Variants in ADCY9 observed in about 807,000 individuals in gnomAD.
ADCY9 encodes adenylate cyclase type 9.
A neutral mutation model predicts 101.5 loss-of-function variants in ADCY9; 50 were observed. The observed-to-expected ratio is 0.49, with a 90% CI of 0.39 to 0.62. ADCY9 has a LOEUF of 0.62. Ranked by LOEUF, ADCY9 falls within the 20% of genes least tolerant of loss-of-function variation. ADCY9 has a pLI of 0.00. For synonymous variants in ADCY9, 905 were observed against 769.3 expected (o/e 1.18, Z -2.92); for missense variants, 1,662 against 1,800.4 (o/e 0.92, Z 1.39).
At chr16:3,984,772 C>G (rs900618660) in intron 6 of ADCY9, among the ~76,000 whole-genome samples, 2 of 152,248 alleles carry the variant, frequency 1.3e-5, no homozygotes, top group African/African-American at 4.8e-5. Flanking sequence ...CATGGGTGTC[C>G]ACTCAGCATC....
intron 3 of ADCY9, among the ~76,000 whole-genome samples, chr16:4,005,382 A>G (rs1336746396): frequency 6.6e-6 from 1 of 152,124 alleles, no homozygotes; most frequent in African/African-American, 2.4e-5. Context: ...ACAGGCCACC[A>G]AGCCCAGTTA....
chr16:3,983,517 G>A (rs550580095), intron 6 of ADCY9, 77 bp from the exon 7 acceptor site: 12 of 1,264,834 alleles, frequency 9.5e-6, no homozygotes, highest in Non-Finnish European at 1.2e-5. Context: ...GGAGAAACAG[G>A]CAACACGTGC....
chr16:4,037,771 C>G (rs751384360), intron 2 of ADCY9, among the ~76,000 whole-genome samples: 16 of 152,196 alleles, frequency 1.1e-4, no homozygotes, highest in Non-Finnish European at 2.1e-4. Flanking sequence ...ACGTTTACAA[C>G]TGTCTTTGAG....
At chr16:3,961,168 CTGGGCGCGG>C (rs1390454250), downstream of ADCY9, among the ~76,000 whole-genome samples, 6 of 152,336 alleles carry the variant, frequency 3.9e-5, no homozygotes, top group East Asian at 7.7e-4. Flanking sequence ...CACGTTCTGG[CTGGGCGCGG>C]TGGCTCATGC....
In ADCY9 at chr16:4,106,736, C is replaced by T. The variant is rs112024734; in HGVS notation, c.1693+7014G>A. ...CGGCCCACGCAGGCTTCTGCACACT[C>T]TGTGCCCAGACATGGACAGATTAAT... On this transcript the variant is annotated intron_variant, in intron 2 of 10. Coordinates refer to ENST00000294016, the MANE Select transcript of ADCY9 (RefSeq NM_001116.4). Among the ~76,000 whole-genome samples, 1,163 of 152,364 alleles carry T rather than the reference C, an allele frequency of 7.6e-3. 15 individuals are homozygous for T. The highest frequency in any genetic ancestry group is 0.027 in the African/African-American group (1,111 of 41,578).
At chr16:4,002,817 G>A (rs1254963498) in intron 3 of ADCY9, among the ~76,000 whole-genome samples, 1 of 152,118 alleles carries the variant, frequency 6.6e-6, no homozygotes, top group Admixed American at 6.5e-5. Context: ...TAGGTTCAAG[G>A]GATCCTCCTG....
chr16:4,027,631 C>A (rs1388504641), intron 2 of ADCY9, among the ~76,000 whole-genome samples: 10 of 152,280 alleles, frequency 6.6e-5, no homozygotes, highest in Non-Finnish European at 1.0e-4. Flanking sequence ...AATCCCAGCA[C>A]TGTGGGAGGC....
intron 2 of ADCY9, among the ~76,000 whole-genome samples, chr16:4,044,759 A>C (rs1170009402): frequency 2.6e-5 from 4 of 152,236 alleles, no homozygotes; most frequent in Non-Finnish European, 5.9e-5. Flanking sequence ...CTCTACATGT[A>C]GAGCCTGCAT....
At chr16:4,090,234 C>T (rs890672909) in intron 2 of ADCY9, among the ~76,000 whole-genome samples, 8 of 152,092 alleles carry the variant, frequency 5.3e-5, no homozygotes, top group South Asian at 2.1e-4. Context: ...CAGCTGGAGG[C>T]GTCCAACCTC....
intron 7 of ADCY9, 90 bp downstream of exon 7, chr16:3,983,142 G>T: frequency 8.0e-7 from 1 of 1,243,112 alleles, no homozygotes; most frequent in Non-Finnish European, 1.1e-6. Flanking sequence ...AGCTGGCTGG[G>T]GACCAGTCCA....
chr16:4,008,036 C>T (rs958064959), intron 2 of ADCY9, among the ~76,000 whole-genome samples: 2 of 151,984 alleles, frequency 1.3e-5, no homozygotes, highest in African/African-American at 4.8e-5. Context: ...AAAACTACCC[C>T]GAAAAACAAG....
At chr16:4,074,225 C>A (rs1394733537) in intron 2 of ADCY9, among the ~76,000 whole-genome samples, 1 of 151,696 alleles carries the variant, frequency 6.6e-6, no homozygotes, top group African/African-American at 2.4e-5. Flanking sequence ...TCTCATAGAA[C>A]CTTGTAGTAA....
At chr16:4,096,178 G>A (rs1048859619) in intron 2 of ADCY9, among the ~76,000 whole-genome samples, 1 of 151,908 alleles carries the variant, frequency 6.6e-6, no homozygotes, top group African/African-American at 2.4e-5. Context: ...TCTATAAATC[G>A]GAGCTTCCCT....
intron 2 of ADCY9, chr16:4,054,238 A>T (rs1020599431): frequency 6.6e-6 from 1 of 152,202 alleles, no homozygotes; most frequent in Non-Finnish European, 1.5e-5. Context: ...CAATGGGATC[A>T]GGAAACACAT....
At chr16:4,027,807 G>A (rs1479502586) in intron 2 of ADCY9, among the ~76,000 whole-genome samples, 7 of 151,728 alleles carry the variant, frequency 4.6e-5, no homozygotes, top group African/African-American at 1.7e-4. Flanking sequence ...AACCCAGGAG[G>A]CAGAGGTTGT....
intron 8 of ADCY9, among the ~76,000 whole-genome samples, chr16:3,978,504 A>T (rs917562063): frequency 3.9e-5 from 6 of 152,204 alleles, no homozygotes; most frequent in Non-Finnish European, 7.3e-5. Flanking sequence ...AAGGTGGGAC[A>T]GACGCTTCTT....
At chr16:4,065,863 C>G (rs2056798059) in intron 2 of ADCY9, among the ~76,000 whole-genome samples, 1 of 152,208 alleles carries the variant, frequency 6.6e-6, no homozygotes, top group Non-Finnish European at 1.5e-5. Context: ...ACTGCCACAC[C>G]CGGCTCAGTT....
At chr16:3,993,266 C>T (rs1365897621) in intron 4 of ADCY9, 140 bp downstream of exon 4, 5 of 1,440,420 alleles carry the variant, frequency 3.5e-6, no homozygotes, top group Admixed American at 2.4e-5. Flanking sequence ...TCTTCAACAC[C>T]CGGAGGACCC....
Position 3,998,553 on chromosome 16 carries a change from C to T in ADCY9, c.1885-5043G>A, listed in dbSNP as rs1044838190. ...GTGAAAGCCCGTCTCTACTAAAATACAAAAAATTAGCCTGGCGTGGTGGTG... is the reference window on the plus strand; with the variant it reads ...GTGAAAGCCCGTCTCTACTAAAATATAAAAAATTAGCCTGGCGTGGTGGTG... On this transcript the variant is annotated intron_variant, in intron 3 of 10. Transcript: ENST00000294016. Among the ~76,000 whole-genome samples the T allele has an allele frequency of 3.3e-5, 5 of 151,098 alleles. No homozygotes were observed. In the East Asian group the frequency reaches 5.9e-4, roughly 18 times the overall value.
Sources: allele counts gnomAD v4.1 joint callset (sites outside exome capture counted in the v4.1 genomes callset), GRCh38; gene constraint gnomAD v4.1.1; transcripts MANE v1.5; gene names NCBI Gene and HGNC (gene_info 2026-07-23, HGNC 2026-07-21).